The following PDE4D variants were observed in gnomAD, a reference collection of about 807,000 sequenced individuals.
PDE4D encodes 3',5'-cyclic-AMP phosphodiesterase 4D.
A neutral mutation model predicts 87.4 loss-of-function variants in PDE4D; 24 were observed. The ratio of observed to expected loss-of-function variants is 0.27; its 90% confidence interval spans 0.20 to 0.39. The LOEUF (loss-of-function observed/expected upper bound fraction) is 0.39, where lower values mean the gene tolerates loss of function less well. Among genes scored for constraint, PDE4D ranks in the 10% least tolerant of loss-of-function variants. The probability of loss-of-function intolerance (pLI) is 1.00; values close to 1 mark genes in which losing one functional copy is unlikely to be tolerated. For missense variants in PDE4D, 714 were observed against 1,041.0 expected (o/e 0.69, Z 4.32); for synonymous variants, 384 against 383.2 (o/e 1.00, Z -0.02).
At chr5:59,910,528 C>T (rs1753329837) in intron 3 of PDE4D, among the ~76,000 whole-genome samples, 1 of 152,168 alleles carries the variant, frequency 6.6e-6, no homozygotes, top group African/African-American at 2.4e-5. Context: ...GAAACAGAAG[C>T]ATCAGCTACT....
chr5:59,656,685 C>CGAAAT (rs993426455), intron 1 of PDE4D, among the ~76,000 whole-genome samples: 6 of 152,178 alleles, frequency 3.9e-5, no homozygotes, highest in African/African-American at 1.4e-4. Flanking sequence ...AACTTTGAAA[C>CGAAAT]GTCAGCATAT....
intron 1 of PDE4D, among the ~76,000 whole-genome samples, chr5:59,748,862 GA>G (rs748737813): frequency 2.6e-5 from 4 of 152,184 alleles, no homozygotes; most frequent in Non-Finnish European, 4.4e-5. Context: ...GTGAGGAACT[GA>G]AGTCTTCTGC....
At chr5:59,879,142 C>T (rs773532285) in intron 1 of PDE4D, among the ~76,000 whole-genome samples, 15 of 151,972 alleles carry the variant, frequency 9.9e-5, no homozygotes, top group Non-Finnish European at 1.8e-4. Flanking sequence ...CCTCGTGATC[C>T]GCTCTCCTCG....
chr5:59,134,675 G>A (rs1357588455), intron 5 of PDE4D, among the ~76,000 whole-genome samples: 1 of 152,164 alleles, frequency 6.6e-6, no homozygotes, highest in African/African-American at 2.4e-5. Flanking sequence ...CCTAGTGCTT[G>A]CACATAATTA....
intron 6 of PDE4D, among the ~76,000 whole-genome samples, chr5:59,021,875 C>T (rs1425093279): frequency 6.6e-6 from 1 of 152,162 alleles, no homozygotes; most frequent in Non-Finnish European, 1.5e-5. Flanking sequence ...CTTATTTTGA[C>T]AGTCTCTTTT....
chr5:59,587,925 G>C (rs941112086), intron 1 of PDE4D, among the ~76,000 whole-genome samples: 1 of 149,350 alleles, frequency 6.7e-6, no homozygotes, highest in East Asian at 1.9e-4. Context: ...TTCTTACCCA[G>C]TGAAAAAAAA....
chr5:59,891,714 A>G (rs746699886), intron 1 of PDE4D, among the ~76,000 whole-genome samples: 1 of 152,140 alleles, frequency 6.6e-6, no homozygotes, highest in Non-Finnish European at 1.5e-5. Context: ...AGCTGAAATG[A>G]TGTGTACACA....
intron 1 of PDE4D, among the ~76,000 whole-genome samples, chr5:59,530,297 T>A (rs1274053612): frequency 1.3e-5 from 2 of 152,160 alleles, no homozygotes; most frequent in Non-Finnish European, 2.9e-5. Flanking sequence ...CAGACAGTTT[T>A]TTCCCCCAGG....
intron 1 of PDE4D, among the ~76,000 whole-genome samples, chr5:60,371,904 A>G (rs1331646103): frequency 6.6e-6 from 1 of 152,094 alleles, no homozygotes; most frequent in African/African-American, 2.4e-5. Flanking sequence ...AGTTGTTTGC[A>G]TTTTTCACCA....
At chr5:59,591,385 C>T (rs1825898331) in intron 1 of PDE4D, among the ~76,000 whole-genome samples, 1 of 152,104 alleles carries the variant, frequency 6.6e-6, no homozygotes, top group Admixed American at 6.5e-5. Context: ...TTGGGTATTT[C>T]CTAGACTCTT....
At chr5:60,309,236 A>G (rs1370013294) in intron 1 of PDE4D, among the ~76,000 whole-genome samples, 3 of 151,612 alleles carry the variant, frequency 2.0e-5, no homozygotes, top group African/African-American at 7.3e-5. Flanking sequence ...ATGAGGGAGG[A>G]GGGGGAGGGG....
At chr5:59,776,749 CA>C (rs2152618857) in intron 1 of PDE4D, among the ~76,000 whole-genome samples, 1 of 152,110 alleles carries the variant, frequency 6.6e-6, no homozygotes, top group Admixed American at 6.5e-5. Context: ...TTTTCTAAAA[CA>C]TCAGGGCTTA....
chr5:60,212,501 A>G (rs996728910), intron 1 of PDE4D, among the ~76,000 whole-genome samples: 1 of 152,202 alleles, frequency 6.6e-6, no homozygotes, highest in African/African-American at 2.4e-5. Flanking sequence ...GGATACTAGA[A>G]GAGAGAAAGT....
rs567098479 is a variant in PDE4D, at chr5:60,049,119, T to C, written c.43-60402A>G. On this transcript the variant is annotated intron_variant, in intron 2 of 16. Transcript: ENST00000502484. ...TTCTCACTTCATTTCATTCATTTCA[T>C]CTTCCATCGCTGATACCTTTTCTTC... 2.1e-4 allele frequency among the ~76,000 whole-genome samples: 32 copies of C among 152,336 alleles called. No individual in the cohort carries two copies. The South Asian group carries it at 3.5e-3, about 17-fold the overall frequency.
chr5:59,330,115 A>G (rs1247071737), intron 1 of PDE4D, among the ~76,000 whole-genome samples: 1 of 152,164 alleles, frequency 6.6e-6, no homozygotes, highest in Non-Finnish European at 1.5e-5. Context: ...ACGTTAATTA[A>G]TGAATGATAT....
At chr5:59,668,878 A>G (rs1335059782) in intron 1 of PDE4D, among the ~76,000 whole-genome samples, 1,213 of 79,664 alleles carry the variant, frequency 0.015, 92 homozygotes, top group African/African-American at 0.06. Flanking sequence ...AAGAAGAAGA[A>G]GAAGAAGAAG....
At chr5:59,400,310 A>G (rs1415529500) in intron 1 of PDE4D, among the ~76,000 whole-genome samples, 2 of 114,924 alleles carry the variant, frequency 1.7e-5, no homozygotes, top group South Asian at 6.4e-4. Flanking sequence ...ATTATTCACA[A>G]TAGCAAAGAC....
intron 1 of PDE4D, among the ~76,000 whole-genome samples, chr5:59,825,698 A>C (rs1462829616): frequency 6.6e-6 from 1 of 152,126 alleles, no homozygotes; most frequent in African/African-American, 2.4e-5. Flanking sequence ...TATTAGGCTA[A>C]AGCTTATTGT....
intron 1 of PDE4D, among the ~76,000 whole-genome samples, chr5:59,713,983 C>T (rs946938755): frequency 6.6e-6 from 1 of 152,092 alleles, no homozygotes; most frequent in Non-Finnish European, 1.5e-5. Context: ...AGGTGGGGTG[C>T]CTGAAGGCCT....
Sources: allele counts gnomAD v4.1 joint callset (sites outside exome capture counted in the v4.1 genomes callset), GRCh38; gene constraint gnomAD v4.1.1; transcripts MANE v1.5; gene names NCBI Gene and HGNC (gene_info 2026-07-23, HGNC 2026-07-21).